NYAP2: variants seen among roughly 807,000 people sequenced by gnomAD.
The protein encoded by NYAP2 is neuronal tyrosine-phosphorylated phosphoinositide-3-kinase adapter 2.
A neutral mutation model predicts 50.4 loss-of-function variants in NYAP2; 23 were observed. The observed-to-expected ratio is 0.46, with a 90% confidence interval of 0.33 to 0.65. The LOEUF (loss-of-function observed/expected upper bound fraction) is 0.65. Ranked by LOEUF, NYAP2 falls within the 30% of genes least tolerant of loss-of-function variation. The pLI, the probability that NYAP2 is intolerant of heterozygous loss-of-function variation, is 0.02. For synonymous variants in NYAP2, 394 were observed against 365.2 expected, an observed-to-expected ratio of 1.08 and a Z score of -0.90; for missense variants, 885 against 861.0, an observed-to-expected ratio of 1.03 and a Z score of -0.35.
At chr2:225,503,606 T>C (rs539097610) in intron 3 of NYAP2, among the ~76,000 whole-genome samples, 2 of 152,298 alleles carry the variant, frequency 1.3e-5, no homozygotes, top group East Asian at 3.9e-4. Context: ...CTTCCCTCTG[T>C]AACCTCCTTC....
At chr2:225,622,588 T>TC (rs1693139098) in intron 5 of NYAP2, among the ~76,000 whole-genome samples, 1 of 141,054 alleles carries the variant, frequency 7.1e-6, no homozygotes, top group Non-Finnish European at 1.5e-5. Flanking sequence ...TCTTCTTTCT[T>TC]TTTTTTTTTT....
the NYAP2 span, among the ~76,000 whole-genome samples, chr2:225,664,744 C>T: frequency 6.2e-4 from 94 of 151,972 alleles, no homozygotes; most frequent in Non-Finnish European, 1.2e-3. Context: ...GGCGTGGTGG[C>T]GGGCGCCTGT....
chr2:225,550,257 C>T (rs76209463), intron 4 of NYAP2, among the ~76,000 whole-genome samples: 1 of 152,040 alleles, frequency 6.6e-6, no homozygotes, highest in Admixed American at 6.6e-5. Flanking sequence ...AAAAGCAATA[C>T]TCATTCAGTA....
At chr2:225,462,193 ATATATTTCTGTAAATAT>A (rs1194915480) in intron 3 of NYAP2, among the ~76,000 whole-genome samples, 1 of 152,246 alleles carries the variant, frequency 6.6e-6, no homozygotes, top group African/African-American at 2.4e-5. Flanking sequence ...GCTATTCTAA[ATATATTTCTGTAAATAT>A]TTCTAAATCA....
intron 5 of NYAP2, among the ~76,000 whole-genome samples, chr2:225,587,024 G>GCTC (rs1692400242): frequency 6.6e-6 from 1 of 152,166 alleles, no homozygotes; most frequent in Middle Eastern, 3.2e-3. Flanking sequence ...GAAAGAGAGA[G>GCTC]CTCGCAAGAG....
rs1476455385 is a variant in NYAP2, at chr2:225,501,894, C to G, written c.222-11477C>G. ...GGAGGAGATCAAATCAGAGAACACA[C>G]CTGAAGGGTGTGATAAAGGAGGTGC... On this transcript the variant is annotated intron_variant, in intron 3 of 6. Coordinates refer to ENST00000636099, the Ensembl canonical transcript of NYAP2. Among the ~76,000 whole-genome samples the G allele has an allele frequency of 2.6e-5, 4 of 152,086 alleles. No homozygotes were observed. In the East Asian group the frequency reaches 7.7e-4, roughly 29 times the overall value.
In NYAP2 at chr2:225,588,201, T is replaced by C. The variant is rs138564215; in HGVS notation, c.1618+5166T>C. ...TCGGCTTCCCAAAGTGCTGGGATTA[T>C]AGGTGTGAGCCACTGCACCCAGCCA... On this transcript the variant is annotated intron_variant, in intron 5 of 6. Coordinates refer to ENST00000636099, the Ensembl canonical transcript of NYAP2. 6.3e-4 allele frequency among the ~76,000 whole-genome samples: 96 copies of C among 152,248 alleles called. No individual in the cohort carries two copies. The East Asian group carries it at 0.017, about 28-fold the overall frequency.
chr2:225,596,993 G>A (rs748503479), intron 5 of NYAP2, among the ~76,000 whole-genome samples: 6 of 152,038 alleles, frequency 3.9e-5, no homozygotes, highest in South Asian at 2.1e-4. Flanking sequence ...TTAAAAAGTC[G>A]TCTGTTTAAC....
intron 4 of NYAP2, among the ~76,000 whole-genome samples, chr2:225,528,175 G>A (rs1301258611): frequency 6.6e-6 from 1 of 152,136 alleles, no homozygotes; most frequent in East Asian, 1.9e-4. Flanking sequence ...GGTGATACTA[G>A]GAACAGGCAT....
At chr2:225,415,800 A>C (rs1291328794) in intron 3 of NYAP2, among the ~76,000 whole-genome samples, 1 of 152,082 alleles carries the variant, frequency 6.6e-6, no homozygotes. Flanking sequence ...GAAATACTCT[A>C]CCAGCTTGCC....
chr2:225,403,582 A>G (rs536517562), intron 2 of NYAP2, among the ~76,000 whole-genome samples: 1 of 152,080 alleles, frequency 6.6e-6, no homozygotes, highest in African/African-American at 2.4e-5. Flanking sequence ...CCCAAAACAG[A>G]GCCTTTTCTC....
the NYAP2 span, among the ~76,000 whole-genome samples, chr2:225,659,282 C>T: frequency 6.6e-6 from 1 of 152,116 alleles, no homozygotes; most frequent in African/African-American, 2.4e-5. Flanking sequence ...AGTACGTACT[C>T]CAGCTTTCTT....
At chr2:225,698,350 A>T in the NYAP2 span, 1 of 152,278 alleles carries the variant, frequency 6.6e-6, no homozygotes, top group Non-Finnish European at 1.5e-5. Context: ...TGGAGACCAT[A>T]CAATGCTTGA....
At chr2:225,651,339 A>AT in intron 6 of NYAP2, 93 bp from the exon 7 acceptor site, 3 of 1,516,078 alleles carry the variant, frequency 2.0e-6, no homozygotes, top group Non-Finnish European at 2.7e-6. Flanking sequence ...TATTCCAAGA[A>AT]TAAGTAGCGA....
chr2:225,655,638 A>G (rs1693808603), downstream of NYAP2, among the ~76,000 whole-genome samples: 1 of 152,114 alleles, frequency 6.6e-6, no homozygotes, highest in Non-Finnish European at 1.5e-5. Context: ...TGATTCCTCC[A>G]TCTCTGGCTG....
chr2:225,507,267 C>T (rs1023739851), intron 3 of NYAP2, among the ~76,000 whole-genome samples: 2 of 152,204 alleles, frequency 1.3e-5, no homozygotes, highest in African/African-American at 2.4e-5. Flanking sequence ...TGCCTCAAAA[C>T]TGCATGCAGA....
At chr2:225,583,127 C>T (rs1281790712) in intron 5 of NYAP2, 92 bp downstream of exon 5, 3 of 1,399,760 alleles carry the variant, frequency 2.1e-6, no homozygotes, top group Non-Finnish European at 2.9e-6. Context: ...GCACAGAGTA[C>T]GGGGTCTTGA....
chr2:225,422,749 C>A (rs1339464204), intron 3 of NYAP2, among the ~76,000 whole-genome samples: 2 of 152,042 alleles, frequency 1.3e-5, no homozygotes, highest in African/African-American at 4.8e-5. Flanking sequence ...GGTGGAAACT[C>A]TCAGGCACGA....
intron 6 of NYAP2, among the ~76,000 whole-genome samples, chr2:225,630,288 C>T (rs902810324): frequency 2.0e-5 from 3 of 152,138 alleles, no homozygotes; most frequent in Non-Finnish European, 2.9e-5. Flanking sequence ...CTTGTTTGCA[C>T]CCTTAGCATC....
Sources: gnomAD v4.1 joint callset for allele counts (sites outside exome capture counted in the v4.1 genomes callset) on GRCh38, gnomAD v4.1.1 for gene constraint, MANE v1.5 for transcripts, NCBI Gene and HGNC (gene_info 2026-07-23, HGNC 2026-07-21) for gene names.